The following ZNF547 variants were observed in gnomAD, a reference collection of about 807,000 sequenced individuals.
ZNF547 encodes the protein zinc finger protein 547.
ZNF547 carries 4 observed loss-of-function variants against 7.7 expected under a neutral mutation model. The ratio of observed to expected loss-of-function variants is 0.52; its 90% CI spans 0.26 to 1.20. The LOEUF is 1.20. ZNF547 is among the 50% of genes most tolerant of loss of function. The pLI is 0.14. For missense variants in ZNF547, 449 were observed against 485.8 expected, an observed-to-expected ratio of 0.92 and a Z score of 0.71; for synonymous variants, 166 against 166.2, an observed-to-expected ratio of 1.00 and a Z score of 0.01.
At chr19:57,366,499 T>C (rs1050551229) in intron 1 of ZNF547, among the ~76,000 whole-genome samples, 9 of 150,614 alleles carry the variant, frequency 6.0e-5, no homozygotes, top group South Asian at 2.1e-4. Flanking sequence ...TGTGAGCCAC[T>C]GCGCCTGGCT....
intron 1 of ZNF547, chr19:57,365,078 G>A (rs1345488139): frequency 6.2e-7 from 1 of 1,609,718 alleles, no homozygotes; most frequent in Non-Finnish European, 8.5e-7. Flanking sequence ...GGGCATATGA[G>A]GTTTATTATG....
intron 2 of ZNF547, 199 bp from the exon 3 acceptor site, chr19:57,371,583 A>T: frequency 1.3e-6 from 1 of 762,946 alleles, no homozygotes. Flanking sequence ...CATGGGAAAT[A>T]CTGACTTGGT....
At chr19:57,364,688 C>T (rs565283419) in intron 1 of ZNF547, 3 of 694,534 alleles carry the variant, frequency 4.3e-6, no homozygotes, top group African/African-American at 1.8e-5. Flanking sequence ...TTGCAGTGAG[C>T]CAAGATCGCG....
chr19:57,368,712 G>C, intron 2 of ZNF547, 133 bp downstream of exon 2: 1 of 830,356 alleles, frequency 1.2e-6, no homozygotes, highest in Non-Finnish European at 2.0e-6. Flanking sequence ...AAAAGTGAGT[G>C]ATTCCACCAG....
At chr19:57,372,522 CAGAG>C (rs1274761690) in intron 3 of ZNF547, among the ~76,000 whole-genome samples, 11 of 152,152 alleles carry the variant, frequency 7.2e-5, no homozygotes, top group Admixed American at 7.2e-4. Context: ...TGTAGAGACT[CAGAG>C]GGACATGATC....
At chr19:57,368,985 A>G (rs552052324) in intron 2 of ZNF547, among the ~76,000 whole-genome samples, 1 of 152,312 alleles carries the variant, frequency 6.6e-6, no homozygotes, top group South Asian at 2.1e-4. Flanking sequence ...CTAGAGACAC[A>G]CAAACATCAG....
chr19:57,371,332 T>C (rs1445968327), intron 2 of ZNF547, among the ~76,000 whole-genome samples: 4 of 152,212 alleles, frequency 2.6e-5, no homozygotes, highest in Non-Finnish European at 5.9e-5. Flanking sequence ...ATTTATTCCT[T>C]ACGTTTCCCT....
intron 3 of ZNF547, among the ~76,000 whole-genome samples, chr19:57,375,618 A>T (rs10404134): frequency 5.4e-5 from 8 of 147,590 alleles, no homozygotes; most frequent in South Asian, 4.4e-4. Context: ...GCTGAGATCA[A>T]GCCACTGCAC....
At chr19:57,371,349 G>T (rs912304036) in intron 2 of ZNF547, among the ~76,000 whole-genome samples, 1 of 152,230 alleles carries the variant, frequency 6.6e-6, no homozygotes, top group African/African-American at 2.4e-5. Context: ...CCCTAAGGAG[G>T]TTACATACCA....
intron 2 of ZNF547, among the ~76,000 whole-genome samples, chr19:57,368,843 A>G (rs996060081): frequency 6.6e-6 from 1 of 152,200 alleles, no homozygotes; most frequent in African/African-American, 2.4e-5. Flanking sequence ...TTGACGTGGT[A>G]ACATCTGTCA....
chr19:57,368,767 T>C (rs1857329426), intron 2 of ZNF547, among the ~76,000 whole-genome samples, 188 bp downstream of exon 2: 1 of 152,226 alleles, frequency 6.6e-6, no homozygotes, highest in African/African-American at 2.4e-5. Flanking sequence ...TTGATTGTTT[T>C]AAGTTTACTG....
chr19:57,368,977 A>G (rs559149988), intron 2 of ZNF547, among the ~76,000 whole-genome samples: 15 of 152,314 alleles, frequency 9.8e-5, no homozygotes, highest in East Asian at 7.7e-4. Context: ...GGAGGTGGCT[A>G]GAGACACACA....
At chr19:57,377,045 G>A in intron 3 of ZNF547, 83 bp from the exon 4 acceptor site, 1 of 1,353,794 alleles carries the variant, frequency 7.4e-7, no homozygotes, top group Non-Finnish European at 1.0e-6. Flanking sequence ...CATTTTCATG[G>A]GGTGTCTGAC....
At chr19:57,370,063 T>G (rs1398058344) in intron 2 of ZNF547, among the ~76,000 whole-genome samples, 1 of 151,956 alleles carries the variant, frequency 6.6e-6, no homozygotes, top group East Asian at 1.9e-4. Context: ...CAGCTAATTT[T>G]TGTATTTTTA....
chr19:57,366,364 T>C (rs2088469744), intron 1 of ZNF547, among the ~76,000 whole-genome samples: 1 of 150,946 alleles, frequency 6.6e-6, no homozygotes, highest in Admixed American at 6.6e-5. Context: ...ATTACAGGCA[T>C]ACGCCTGGCT....
At chr19:57,365,483 CAT>C (rs1348350339) in intron 1 of ZNF547, 2 of 441,816 alleles carry the variant, frequency 4.5e-6, no homozygotes, top group African/African-American at 2.1e-5. Context: ...ATAAAGAACT[CAT>C]TATCAATAAT....
rs894855046 is a variant in ZNF547 at position 57,377,365 on chromosome 19, G to A, written c.389G>A (p.Arg130Lys). 2 of 1,614,240 alleles carry A rather than the reference G, an allele frequency of 1.2e-6. No individual in the cohort carries two copies. The highest frequency in any genetic ancestry group is 1.7e-6 in the Non-Finnish European group (2 of 1,180,046). ...CACCAGCACCAAAAGGAGCAGATTA[G>A]AGAGAAACTTTCTAGAGGGGATGGA... is the stretch of plus-strand genomic sequence containing the variant. ...HLHQHQKEQI[R>K]EKLSRGDGGR... Residue 130 changes from arginine (R) to lysine (K), a missense_variant, in exon 4 of 4, where the codon AGA (arginine) becomes AAA (lysine). Physicochemically the swap from Arg to Lys is conservative, Grantham distance 26 (BLOSUM62 2). Coordinates refer to ENST00000282282, the MANE Select transcript of ZNF547 (RefSeq NM_173631.4).
chr19:57,377,899 G>T lies in ZNF547; in HGVS notation c.923G>T (p.Arg308Met). ...GAATGTGGGAAATTCTTTATGGAAAGGTCTACACTCAGTAGACATCAGAGA... is the reference window on the plus strand; with the variant it reads ...GAATGTGGGAAATTCTTTATGGAAATGTCTACACTCAGTAGACATCAGAGA... Reference protein sequence around the residue: ...CSECGKFFMERSTLSRHQRVH... With the variant: ...CSECGKFFMEMSTLSRHQRVH... The change falls in exon 4 of 4, where the codon AGG becomes ATG. Residue 308 changes from arginine (R) to methionine (M), a missense_variant. Transcript: ENST00000282282. 2 of 1,613,118 alleles carry T rather than the reference G, an allele frequency of 1.2e-6. No individual in the cohort carries two copies. Among genetic ancestry groups the T allele is most frequent in the Non-Finnish European group, 1.7e-6 (2 of 1,179,850 alleles).
At chr19:57,365,151 T>C in intron 1 of ZNF547, 4 of 1,597,490 alleles carry the variant, frequency 2.5e-6, no homozygotes, top group Non-Finnish European at 3.4e-6. Context: ...ATGATTTATA[T>C]ATAAAATTTT....
Sources: gnomAD v4.1 joint callset for allele counts (sites outside exome capture counted in the v4.1 genomes callset) on GRCh38, gnomAD v4.1.1 for gene constraint, MANE v1.5 for transcripts, NCBI Gene and HGNC (gene_info 2026-07-23, HGNC 2026-07-21) for gene names.